Variants in NBR1 observed in about 807,000 individuals in gnomAD.
The protein encoded by NBR1 is next to BRCA1 gene 1 protein.
A neutral mutation model predicts 115.5 loss-of-function variants in NBR1; 59 were observed. The ratio of observed to expected loss-of-function variants is 0.51; its 90% confidence interval spans 0.41 to 0.63. The LOEUF is 0.63. NBR1 is among the 30% of genes least tolerant of loss of function. The probability of loss-of-function intolerance (pLI) is 0.00; values close to 1 mark genes in which losing one functional copy is unlikely to be tolerated. For missense variants in NBR1, 1,043 were observed against 1,150.5 expected, an observed-to-expected ratio of 0.91 and a Z score of 1.35; for synonymous variants, 373 against 414.7, an observed-to-expected ratio of 0.90 and a Z score of 1.22.
At chr17:43,173,320 G>C (rs1455147124) in intron 1 of NBR1, among the ~76,000 whole-genome samples, 1 of 151,796 alleles carries the variant, frequency 6.6e-6, no homozygotes, top group Non-Finnish European at 1.5e-5. Flanking sequence ...ACAGAGTCTC[G>C]CTCTATCACC....
chr17:43,178,733 A>G (rs77721169), intron 3 of NBR1, among the ~76,000 whole-genome samples: 2,932 of 150,004 alleles, frequency 0.02, 46 homozygotes, highest in Non-Finnish European at 0.029. Flanking sequence ...ACAAGCTACC[A>G]CTTAGTTTAT....
At chr17:43,204,904 T>C (rs549260468) in intron 20 of NBR1, among the ~76,000 whole-genome samples, 1 of 149,102 alleles carries the variant, frequency 6.7e-6, no homozygotes, top group East Asian at 2.0e-4. Context: ...GCACCGGAGG[T>C]TGAGGCTGCC....
chr17:43,197,128 C>G lies in NBR1; in HGVS notation c.2026+22C>G, dbSNP rs775549057. Reference sequence around the variant, plus strand: ...CAGAGTGAGTGTCCTTGCATTTCCCCTACCTAGCAGGGTGGCACCTGAATT... The same window carrying G: ...CAGAGTGAGTGTCCTTGCATTTCCCGTACCTAGCAGGGTGGCACCTGAATT... On this transcript the variant is annotated intron_variant, in intron 16 of 20. Transcript: ENST00000590996. 4 of 1,611,248 alleles carry G rather than the reference C, an allele frequency of 2.5e-6. No individual in the cohort carries two copies. In the South Asian group the frequency reaches 4.4e-5, roughly 18 times the overall value.
chr17:43,177,911 C>T, intron 2 of NBR1, 25 bp from the exon 3 acceptor site: 3 of 1,468,166 alleles, frequency 2.0e-6, no homozygotes, highest in South Asian at 1.3e-5. Context: ...TATAACCTGC[C>T]TTTAAATATG....
chr17:43,204,543 C>A (rs997670614), intron 20 of NBR1, among the ~76,000 whole-genome samples: 7 of 151,054 alleles, frequency 4.6e-5, no homozygotes, highest in Non-Finnish European at 8.8e-5. Flanking sequence ...ATGGCCGGTA[C>A]AGTGGCTCAC....
intron 5 of NBR1, among the ~76,000 whole-genome samples, chr17:43,184,385 A>C (rs2056751569): frequency 9.3e-5 from 1 of 10,746 alleles, no homozygotes; most frequent in South Asian, 7.8e-3. Context: ...TTTTTTTTTG[A>C]GACAGAGTCT....
At chr17:43,201,991 A>G (rs1175697534) in intron 18 of NBR1, among the ~76,000 whole-genome samples, 1 of 152,048 alleles carries the variant, frequency 6.6e-6, no homozygotes, top group Non-Finnish European at 1.5e-5. Context: ...CAGCCTGGCC[A>G]ACATAGTGAA....
intron 5 of NBR1, among the ~76,000 whole-genome samples, chr17:43,184,948 G>A (rs1321081102): frequency 6.6e-6 from 1 of 151,936 alleles, no homozygotes; most frequent in Non-Finnish European, 1.5e-5. Context: ...AATTAGCTGG[G>A]TGTGGTGGCG....
chr17:43,193,678 CTTAG>C lies in NBR1; in HGVS notation c.1524+45_1524+48del, dbSNP rs770517006. ...ACAGGCTTTGGCCTAGTATCCAAATCTTAGTTAGAGAGGAGATGGCTAAAACTAA... is the reference window on the plus strand; with the variant it reads ...ACAGGCTTTGGCCTAGTATCCAAATCTTAGAGAGGAGATGGCTAAAACTAA... On this transcript the variant is annotated intron_variant, in intron 12 of 20. Coordinates refer to ENST00000590996, the MANE Select transcript of NBR1 (RefSeq NM_005899.5). The C allele has an allele frequency of 1.6e-5, 25 of 1,559,260 alleles. No homozygotes were observed. In the African/African-American group the frequency reaches 2.2e-4, roughly 14 times the overall value.
intron 16 of NBR1, among the ~76,000 whole-genome samples, chr17:43,198,622 A>T (rs2057120442): frequency 6.6e-6 from 1 of 151,940 alleles, no homozygotes; most frequent in Non-Finnish European, 1.5e-5. Flanking sequence ...ACTGCACTCC[A>T]GCCTGGGTGA....
rs1336798696 is a variant in NBR1 at position 43,186,400 on chromosome 17, G to A, written c.358G>A (p.Val120Ile). ...PLAHYSSLVR[V>I]LGSDMKTPED... ...TGCACATTACTCTTCACTGGTGAGA[G>A]TCTTGGGATCAGACATGAAGACCCC... is the stretch of plus-strand genomic sequence containing the variant. The change falls in exon 6 of 21, where the codon GTC (valine) becomes ATC (isoleucine). Residue 120 changes from valine (V) to isoleucine (I), a missense_variant. By Grantham distance (29) the Val-to-Ile change is conservative. Coordinates refer to ENST00000590996, the MANE Select transcript of NBR1 (RefSeq NM_005899.5). The A allele has an allele frequency of 6.2e-6, 10 of 1,600,488 alleles. No individual in the cohort carries two copies. The highest frequency in any genetic ancestry group is 8.5e-6 in the Non-Finnish European group (10 of 1,174,584).
At position 43,196,975 on chromosome 17, in the gene NBR1, A is replaced by G. The variant is rs773401749; in HGVS notation, c.1895A>G (p.Asn632Ser). Residue 632 changes from asparagine (N) to serine (S), a missense_variant, in exon 16 of 21, where the codon AAC becomes AGC. Coordinates refer to ENST00000590996, the MANE Select transcript of NBR1 (RefSeq NM_005899.5). ...GTGTCAGTAAAGAGGAAGGCTGAGA[A>G]CATTGCTTCTGTGGAGGAAGCAGAA... is the stretch of plus-strand genomic sequence containing the variant. ...SMVSVKRKAE[N>S]IASVEEAEED... is the part of the protein sequence containing the mutation. 1.9e-6 allele frequency: 3 copies of G among 1,614,044 alleles called. No homozygotes were observed. In the South Asian group the frequency reaches 3.3e-5, roughly 18 times the overall value.
intron 5 of NBR1, among the ~76,000 whole-genome samples, chr17:43,185,376 G>A (rs760576376): frequency 3.3e-4 from 50 of 152,228 alleles, no homozygotes; most frequent in Middle Eastern, 3.4e-3. Flanking sequence ...GACTAGCCTG[G>A]GCAACATCAT....
chr17:43,198,494 A>C (rs890294014), intron 16 of NBR1, among the ~76,000 whole-genome samples: 20 of 151,916 alleles, frequency 1.3e-4, no homozygotes, highest in African/African-American at 3.9e-4. Flanking sequence ...TTCTACTAAA[A>C]ATACAAAAAT....
intron 17 of NBR1, among the ~76,000 whole-genome samples, chr17:43,201,089 G>T (rs1297272595): frequency 6.6e-6 from 1 of 152,088 alleles, no homozygotes; most frequent in Non-Finnish European, 1.5e-5. Flanking sequence ...GGCTGGTCTT[G>T]AACTCCTGGC....
chr17:43,182,230 T>G (rs988170609), intron 5 of NBR1, among the ~76,000 whole-genome samples: 3 of 143,282 alleles, frequency 2.1e-5, no homozygotes, highest in Admixed American at 7.0e-5. Flanking sequence ...TTTTTTTTTT[T>G]TTTTTGAGAC....
chr17:43,180,147 T>C (rs921899685), intron 4 of NBR1, among the ~76,000 whole-genome samples: 4 of 152,224 alleles, frequency 2.6e-5, no homozygotes, highest in Non-Finnish European at 5.9e-5. Context: ...AACATGATGT[T>C]ATGAAATACA....
chr17:43,176,828 G>A (rs2056528231), intron 2 of NBR1, among the ~76,000 whole-genome samples: 1 of 152,060 alleles, frequency 6.6e-6, no homozygotes, highest in African/African-American at 2.4e-5. Flanking sequence ...CCCATTTTAA[G>A]AAGAGAAACC....
chr17:43,196,629 C>T (rs2057074864), intron 15 of NBR1, 38 bp downstream of exon 15: 2 of 1,401,318 alleles, frequency 1.4e-6, no homozygotes, highest in Admixed American at 2.1e-5. Context: ...TTGCATCCTC[C>T]CTTTCCATAT....
Sources: gnomAD v4.1 joint callset for allele counts (sites outside exome capture counted in the v4.1 genomes callset) on GRCh38, gnomAD v4.1.1 for gene constraint, MANE v1.5 for transcripts, NCBI Gene and HGNC (gene_info 2026-07-23, HGNC 2026-07-21) for gene names.